The following CELF2 variants were observed in gnomAD, a reference collection of about 807,000 sequenced individuals.
The protein encoded by CELF2 is CUGBP Elav-like family member 2.
CELF2 carries 8 observed loss-of-function variants against 62.6 expected under a neutral mutation model. The observed-to-expected ratio is 0.13, with a 90% CI of 0.07 to 0.23. The LOEUF is 0.23. Ranked by LOEUF, CELF2 falls within the 10% of genes least tolerant of loss-of-function variation. CELF2 has a pLI of 1.00. For synonymous variants in CELF2, 258 were observed against 250.0 expected (o/e 1.03, Z -0.30); for missense variants, 333 against 671.0 (o/e 0.50, Z 5.56).
At chr10:10,591,244 T>C in the CELF2 span, among the ~76,000 whole-genome samples, 2 of 152,268 alleles carry the variant, frequency 1.3e-5, no homozygotes, top group Admixed American at 6.5e-5. Context: ...TATTGCGTTA[T>C]TTATAATATC....
rs966065869 is a variant in CELF2, at chr10:11,011,404, G to A, written c.53+5964G>A. On this transcript the variant is annotated intron_variant, in intron 1 of 12. Transcript: ENST00000416382. The surrounding 1 kb of genome is among the most constrained non-coding windows in gnomAD (Gnocchi z 4.6). ...CTGGGCCCTGAAGGATGGGCAGATG[G>A]AGGTGGGTGAGGGGGAGAGGGAAGG... Among the ~76,000 whole-genome samples the A allele has an allele frequency of 1.3e-5, 2 of 151,542 alleles. No homozygotes were observed. Among genetic ancestry groups the A allele is most frequent in the Non-Finnish European group, 2.9e-5 (2 of 67,940 alleles).
At chr10:11,283,200 G>T (rs1419965034) in intron 8 of CELF2, among the ~76,000 whole-genome samples, 1 of 152,180 alleles carries the variant, frequency 6.6e-6, no homozygotes, top group Non-Finnish European at 1.5e-5. Context: ...GCTGTGCTTT[G>T]CTTTCCTGTG....
chr10:11,198,830 G>C (rs1012807394), intron 2 of CELF2, among the ~76,000 whole-genome samples: 2 of 152,194 alleles, frequency 1.3e-5, no homozygotes, highest in African/African-American at 4.8e-5. Flanking sequence ...AAAGATGTTC[G>C]TGGCAATCTA....
At position 11,036,975 on chromosome 10, in the gene CELF2, C is replaced by T. The variant is rs185964378; in HGVS notation, c.74+18812C>T. On this transcript the variant is annotated intron_variant, in intron 1 of 12. Transcript: ENST00000633077. ...CAGCCTCCTGACTGTGGGCGTCTTGCGCTTCTCACTCTTTGGCTCTCACCT... is the reference window on the plus strand; with the variant it reads ...CAGCCTCCTGACTGTGGGCGTCTTGTGCTTCTCACTCTTTGGCTCTCACCT... Among the ~76,000 whole-genome samples the T allele has an allele frequency of 3.9e-5, 6 of 152,304 alleles. No homozygotes were observed. The East Asian group carries it at 7.7e-4, about 20-fold the overall frequency.
chr10:11,182,970 A>G (rs558259180), intron 2 of CELF2, among the ~76,000 whole-genome samples: 5 of 152,192 alleles, frequency 3.3e-5, no homozygotes, highest in South Asian at 2.1e-4. Context: ...CAACAGCTCA[A>G]TGGAGACATA....
At chr10:11,006,962 T>A (rs989164892) in intron 1 of CELF2, among the ~76,000 whole-genome samples, 5 of 152,220 alleles carry the variant, frequency 3.3e-5, no homozygotes, top group Non-Finnish European at 5.9e-5. Flanking sequence ...TCTCAAATAA[T>A]GAAACCATTC....
chr10:10,701,854 C>T, the CELF2 span, among the ~76,000 whole-genome samples: 4 of 152,298 alleles, frequency 2.6e-5, no homozygotes, highest in East Asian at 5.8e-4. Context: ...CGTAGTTAGA[C>T]GAATCCCTAG....
chr10:10,986,787 G>A (rs1329156141), intron 2 of CELF2, among the ~76,000 whole-genome samples: 1 of 152,176 alleles, frequency 6.6e-6, no homozygotes, highest in East Asian at 1.9e-4. Context: ...CAGGCTCACA[G>A]GGAGGAATGT....
chr10:10,760,652 G>C, the CELF2 span, among the ~76,000 whole-genome samples: 1 of 152,158 alleles, frequency 6.6e-6, no homozygotes, highest in East Asian at 1.9e-4. Context: ...TCCTAAGCAG[G>C]GAACTCGGGA....
chr10:10,627,139 C>A, the CELF2 span, among the ~76,000 whole-genome samples: 1 of 152,152 alleles, frequency 6.6e-6, no homozygotes, highest in African/African-American at 2.4e-5. Context: ...CTCCAAAATA[C>A]CCTCATTGTA....
In CELF2 at chr10:11,242,421, C is replaced by T. The variant is rs1299695800; in HGVS notation, c.355-6732C>T. Among the ~76,000 whole-genome samples, 2 of 152,038 alleles carry T rather than the reference C, an allele frequency of 1.3e-5. No homozygotes were observed. Among genetic ancestry groups the T allele is most frequent in the Admixed American group, 1.3e-4 (2 of 15,268 alleles). ...AGGCCTGTGTTGGCTCGGAACCCTCCCTTCCTACAGCAGAGACCCACCGAG... is the reference window on the plus strand; with the variant it reads ...AGGCCTGTGTTGGCTCGGAACCCTCTCTTCCTACAGCAGAGACCCACCGAG... On this transcript the variant is annotated intron_variant, in intron 3 of 12. Coordinates refer to ENST00000633077, the MANE Select transcript of CELF2 (RefSeq NM_001326342.2). The surrounding 1 kb of genome is among the most constrained non-coding windows in gnomAD (Gnocchi z 4.8).
intron 1 of CELF2, among the ~76,000 whole-genome samples, chr10:11,125,197 T>C (rs183459922): frequency 6.6e-6 from 1 of 152,194 alleles, no homozygotes; most frequent in African/African-American, 2.4e-5. Context: ...CCCAGCTGAG[T>C]GCAGATCATT....
At position 10,981,950 on chromosome 10, in the gene CELF2, CTTTTTTTTTTTTTT is replaced by C. The variant is rs34134637; in HGVS notation, c.89+61960_89+61973del. Among the ~76,000 whole-genome samples, 5 of 125,356 alleles carry C rather than the reference CTTTTTTTTTTTTTT, an allele frequency of 4.0e-5. No individual in the cohort carries two copies. In the South Asian group the frequency reaches 7.7e-4, roughly 19 times the overall value. The allele number at this position is 125,356 out of a possible 152,430, so 82.2% of individuals were successfully genotyped here. On this transcript the variant is annotated intron_variant, in intron 2 of 13. Transcript: ENST00000636488. Reference sequence around the variant, plus strand: ...AGACCCTCTCCTCGACTTCCTTTTCCTTTTTTTTTTTTTTTTTTTTTTGAGATGGAGTCTCACTC... The same window carrying C: ...AGACCCTCTCCTCGACTTCCTTTTCCTTTTTTTTGAGATGGAGTCTCACTC...
chr10:10,625,181 C>T, the CELF2 span, among the ~76,000 whole-genome samples: 16 of 150,872 alleles, frequency 1.1e-4, no homozygotes, highest in African/African-American at 3.9e-4. Flanking sequence ...TTTCCCTAAC[C>T]ATGTAGGTAT....
chr10:10,979,184 C>T (rs1434846062), intron 2 of CELF2, among the ~76,000 whole-genome samples: 1 of 152,210 alleles, frequency 6.6e-6, no homozygotes, highest in East Asian at 1.9e-4. Flanking sequence ...CCCTCCCACA[C>T]ACCCACGTTT....
At position 11,321,103 on chromosome 10, in the gene CELF2, G is replaced by A. The variant is rs1041057340; in HGVS notation, c.1097-86G>A. The A allele has an allele frequency of 7.0e-7, 1 of 1,426,644 alleles. No individual in the cohort carries two copies. Among genetic ancestry groups the A allele is most frequent in the African/African-American group, 1.4e-5 (1 of 71,096 alleles). 88.4% of individuals were successfully genotyped at this position (1,426,644 alleles called of 1,614,324 possible). A position where few individuals can be genotyped will look rare whatever the true frequency, so the allele number is the denominator to read the frequency against. On this transcript the variant is annotated intron_variant, in intron 10 of 12. Coordinates refer to ENST00000633077, the MANE Select transcript of CELF2 (RefSeq NM_001326342.2). The surrounding 1 kb of genome is among the most constrained non-coding windows in gnomAD (Gnocchi z 6.2). ...AGCTGCATGTACTTGCTGTTGTACT[G>A]TGTTTAAATGATTCTCTAACTTCCT...
chr10:10,673,362 T>C, the CELF2 span, among the ~76,000 whole-genome samples: 74 of 152,270 alleles, frequency 4.9e-4, no homozygotes, highest in Middle Eastern at 6.8e-3. Context: ...TTCATGATCT[T>C]AGTGAGATCT....
intron 1 of CELF2, chr10:11,071,424 A>G (rs1229022256): frequency 6.6e-6 from 1 of 152,264 alleles, no homozygotes; most frequent in Non-Finnish European, 1.5e-5. Context: ...AGAGTCGAAC[A>G]TCTAGGAAGA....
At chr10:10,671,844 C>T in the CELF2 span, among the ~76,000 whole-genome samples, 2 of 152,062 alleles carry the variant, frequency 1.3e-5, no homozygotes, top group Non-Finnish European at 2.9e-5. Flanking sequence ...ATTCTCCCAC[C>T]TCAGCCTCCT....
Sources: allele counts gnomAD v4.1 joint callset (sites outside exome capture counted in the v4.1 genomes callset), GRCh38; gene constraint gnomAD v4.1.1; non-coding constraint Gnocchi (gnomAD v3.1); transcripts MANE v1.5; gene names NCBI Gene and HGNC (gene_info 2026-07-23, HGNC 2026-07-21).